ASPRV1: variants seen among roughly 807,000 people sequenced by gnomAD.
ASPRV1 encodes aspartic peptidase retroviral like 1, also known as retroviral-like aspartic protease 1.
Under a neutral mutation model 11.0 loss-of-function variants are expected in ASPRV1, and 7 were observed. That is an observed-to-expected ratio of 0.64 (90% confidence interval 0.36 to 1.20). The LOEUF (loss-of-function observed/expected upper bound fraction) is 1.20. ASPRV1 is among the 50% of genes most tolerant of loss of function. ASPRV1 has a pLI of 0.02. For synonymous variants in ASPRV1, 136 were observed against 138.4 expected (o/e 0.98, Z 0.12); for missense variants, 299 against 320.0 (o/e 0.93, Z 0.50).
At chr2:70,016,015 G>T in the ASPRV1 span, 2 of 152,028 alleles carry the variant, frequency 1.3e-5, no homozygotes, top group African/African-American at 4.8e-5. Flanking sequence ...AATAAAGCCA[G>T]AAAATCAAAA....
chr2:69,978,224 A>G, the ASPRV1 span, among the ~76,000 whole-genome samples: 6 of 152,082 alleles, frequency 3.9e-5, no homozygotes, highest in African/African-American at 1.2e-4. Flanking sequence ...CTTCTTCCCC[A>G]GGGGGCTCTG....
the ASPRV1 span, among the ~76,000 whole-genome samples, chr2:69,975,065 T>C: frequency 1.3e-5 from 2 of 152,182 alleles, no homozygotes; most frequent in Non-Finnish European, 2.9e-5. Flanking sequence ...TCCTCTGGGA[T>C]TGCTCCAGGC....
Position 69,961,482 on chromosome 2 carries a change from G to A in ASPRV1, c.-46C>T. 6.2e-7 allele frequency: 1 copy of A among 1,614,130 alleles called. No individual in the cohort carries two copies. The highest frequency in any genetic ancestry group is 1.1e-5 in the South Asian group (1 of 91,076). On this transcript the variant is annotated 5_prime_UTR_variant, in exon 1 of 1. Coordinates refer to ENST00000320256, the MANE Select transcript of ASPRV1 (RefSeq NM_152792.4). The stretch of plus-strand genomic sequence containing the variant: ...CCTCAGCAGCAACCCACGCCAAGAA[G>A]AGAAACCCACAGAGCAGTGTCGGCG...
At chr2:69,947,647 T>C in the ASPRV1 span, among the ~76,000 whole-genome samples, 1 of 152,056 alleles carries the variant, frequency 6.6e-6, no homozygotes, top group Non-Finnish European at 1.5e-5. Flanking sequence ...GGAATCACAG[T>C]GTAAAATAAA....
At chr2:69,982,620 G>C in the ASPRV1 span, among the ~76,000 whole-genome samples, 1 of 152,162 alleles carries the variant, frequency 6.6e-6, no homozygotes, top group Non-Finnish European at 1.5e-5. Flanking sequence ...GGTGCCTCAT[G>C]GGACAGACGC....
chr2:69,946,922 A>G, the ASPRV1 span, among the ~76,000 whole-genome samples: 88,863 of 152,092 alleles, frequency 0.58, 28,825 homozygotes, highest in African/African-American at 0.86. Flanking sequence ...AGACCAGATC[A>G]TACAGAGGTG....
chr2:69,934,945 CAAG>C, the ASPRV1 span, among the ~76,000 whole-genome samples: 1 of 152,132 alleles, frequency 6.6e-6, no homozygotes, highest in African/African-American at 2.4e-5. Flanking sequence ...GGTTATGTCT[CAAG>C]AAGCCCATCA....
the ASPRV1 span, among the ~76,000 whole-genome samples, chr2:69,997,100 G>A: frequency 5.4e-4 from 82 of 151,818 alleles, no homozygotes; most frequent in African/African-American, 2.0e-3. Context: ...GCAGGAGGAT[G>A]GCTTAAGCCC....
the ASPRV1 span, among the ~76,000 whole-genome samples, chr2:70,029,459 T>G: frequency 6.6e-6 from 1 of 151,862 alleles, no homozygotes; most frequent in African/African-American, 2.4e-5. Flanking sequence ...GCCAACATGG[T>G]GAAACCCCAT....
At position 69,960,693 on chromosome 2, in the gene ASPRV1, G is replaced by A. The variant is rs757994848; in HGVS notation, c.744C>T (p.Pro248=). Residue 248 remains proline (P), a synonymous_variant, in exon 1 of 1, where the codon CCC becomes CCT. Transcript: ENST00000320256. ...EFDLELIEED[P]SSEEGRQELS... is the part of the protein sequence containing the mutation. ...GCTCCTGCCGCCCTTCTTCTGAGGA[G>A]GGGTCCTCCTCTATGAGCTCCAGGT... 14 of 1,613,810 alleles carry A rather than the reference G, an allele frequency of 8.7e-6. No individual in the cohort carries two copies. Among genetic ancestry groups the A allele is most frequent in the Non-Finnish European group, 4.2e-6 (5 of 1,180,000 alleles).
the ASPRV1 span, chr2:70,085,781 A>G: frequency 6.6e-6 from 1 of 152,384 alleles, no homozygotes; most frequent in East Asian, 1.9e-4. Context: ...CTAAAAATGA[A>G]CACTTAATTG....
chr2:70,066,003 G>A, the ASPRV1 span, among the ~76,000 whole-genome samples: 45 of 151,890 alleles, frequency 3.0e-4, no homozygotes, highest in Admixed American at 2.5e-3. Context: ...AGGCCAGGAG[G>A]TCGAGACCAG....
At chr2:70,008,713 A>G in the ASPRV1 span, among the ~76,000 whole-genome samples, 2 of 151,844 alleles carry the variant, frequency 1.3e-5, no homozygotes, top group South Asian at 2.1e-4. Flanking sequence ...TCTTCTTCCA[A>G]TGTGGCCCAG....
At chr2:69,990,785 G>A in the ASPRV1 span, among the ~76,000 whole-genome samples, 4 of 152,014 alleles carry the variant, frequency 2.6e-5, no homozygotes, top group African/African-American at 9.7e-5. Context: ...CAGCTGCCTG[G>A]ACAAGGACAC....
At chr2:69,961,889 G>T, upstream of ASPRV1, 1 of 514,832 alleles carries the variant, frequency 1.9e-6, no homozygotes, top group East Asian at 3.0e-5. Flanking sequence ...TAACAGATGA[G>T]GACACGGAGG....
At chr2:69,952,688 CT>C in the ASPRV1 span, among the ~76,000 whole-genome samples, 2 of 152,146 alleles carry the variant, frequency 1.3e-5, no homozygotes, top group South Asian at 4.1e-4. Flanking sequence ...CTGGATAGTT[CT>C]TTATTGTGTG....
At chr2:69,947,037 C>T in the ASPRV1 span, among the ~76,000 whole-genome samples, 5 of 152,230 alleles carry the variant, frequency 3.3e-5, no homozygotes, top group African/African-American at 1.2e-4. Context: ...TCACACGTAC[C>T]TTTGCACTGC....
chr2:69,980,621 TTAACAG>T, the ASPRV1 span, among the ~76,000 whole-genome samples: 2 of 152,214 alleles, frequency 1.3e-5, no homozygotes, highest in South Asian at 4.1e-4. Context: ...TGGAGTTTAC[TTAACAG>T]TATCATACCA....
At chr2:70,026,171 T>C in the ASPRV1 span, among the ~76,000 whole-genome samples, 2 of 151,864 alleles carry the variant, frequency 1.3e-5, no homozygotes, top group South Asian at 2.1e-4. Context: ...ATACAAAAAT[T>C]AGTCAGTCAT....
Sources: allele counts gnomAD v4.1 joint callset (sites outside exome capture counted in the v4.1 genomes callset), GRCh38; gene constraint gnomAD v4.1.1; transcripts MANE v1.5; gene names NCBI Gene and HGNC (gene_info 2026-07-23, HGNC 2026-07-21).